TNIK: variants seen among roughly 807,000 people sequenced by gnomAD.
TNIK encodes the protein TRAF2 and NCK interacting kinase.
A neutral mutation model predicts 191.3 loss-of-function variants in TNIK; 49 were observed. The observed-to-expected ratio is 0.26, with a 90% CI of 0.20 to 0.32. The LOEUF is 0.32. TNIK is among the 10% of genes least tolerant of loss of function. The pLI is 1.00. For synonymous variants in TNIK, 594 were observed against 600.9 expected, an observed-to-expected ratio of 0.99 and a Z score of 0.17; for missense variants, 1,155 against 1,702.3, an observed-to-expected ratio of 0.68 and a Z score of 5.66.
intron 2 of TNIK, among the ~76,000 whole-genome samples, chr3:171,338,856 G>A (rs1206136174): frequency 1.4e-4 from 22 of 151,994 alleles, no homozygotes; most frequent in South Asian, 2.1e-4. Context: ...CAGTGCAGAA[G>A]GTACTATTAT....
At chr3:171,167,691 C>T (rs1251791821) in intron 9 of TNIK, among the ~76,000 whole-genome samples, 4 of 152,094 alleles carry the variant, frequency 2.6e-5, no homozygotes, top group African/African-American at 4.8e-5. Flanking sequence ...CAGTGAAAAA[C>T]TCAGGCTAGG....
At chr3:171,258,182 G>C (rs1049206223) in intron 2 of TNIK, among the ~76,000 whole-genome samples, 10 of 152,126 alleles carry the variant, frequency 6.6e-5, no homozygotes, top group African/African-American at 2.4e-4. Context: ...AGGCTTTGTG[G>C]CCATAACTCC....
At chr3:171,439,149 C>G (rs1038344904) in intron 1 of TNIK, among the ~76,000 whole-genome samples, 1 of 152,044 alleles carries the variant, frequency 6.6e-6, no homozygotes, top group Non-Finnish European at 1.5e-5. Context: ...TCGAAACCAT[C>G]CTGGCTAACA....
intron 3 of TNIK, among the ~76,000 whole-genome samples, chr3:171,218,592 G>A (rs974236940): frequency 1.1e-4 from 17 of 149,742 alleles, no homozygotes; most frequent in African/African-American, 4.2e-4. Flanking sequence ...TTTGGCTTTG[G>A]TTATTGGGAA....
At chr3:171,406,229 C>T (rs1387163079) in intron 1 of TNIK, among the ~76,000 whole-genome samples, 2 of 152,046 alleles carry the variant, frequency 1.3e-5, no homozygotes, top group East Asian at 1.9e-4. Context: ...GCACACATTC[C>T]GTAATCTCGG....
At chr3:171,445,041 G>T (rs66812172) in intron 1 of TNIK, among the ~76,000 whole-genome samples, 9,194 of 151,930 alleles carry the variant, frequency 0.061, 533 homozygotes, top group African/African-American at 0.15. Context: ...AAACATTTAG[G>T]CCAGTGGTTC....
intron 1 of TNIK, among the ~76,000 whole-genome samples, chr3:171,408,098 C>A (rs1243419866): frequency 1.3e-5 from 2 of 152,066 alleles, no homozygotes; most frequent in Non-Finnish European, 2.9e-5. Context: ...CCATAAAAAA[C>A]CATTTTGGTG....
intron 29 of TNIK, among the ~76,000 whole-genome samples, chr3:171,070,946 T>G (rs996738791): frequency 6.6e-6 from 1 of 152,242 alleles, no homozygotes; most frequent in Non-Finnish European, 1.5e-5. Flanking sequence ...AAGATCATAA[T>G]CAATGCTATG....
At chr3:171,432,866 A>G (rs986158407) in intron 1 of TNIK, among the ~76,000 whole-genome samples, 2 of 152,176 alleles carry the variant, frequency 1.3e-5, no homozygotes, top group African/African-American at 2.4e-5. Context: ...GTAATGACCA[A>G]TTTAATGCAA....
At chr3:171,107,635 A>G (rs1255551024) in intron 20 of TNIK, among the ~76,000 whole-genome samples, 1 of 152,224 alleles carries the variant, frequency 6.6e-6, no homozygotes, top group African/African-American at 2.4e-5. Flanking sequence ...TCCAGAAAAT[A>G]TAGTCCTGGA....
At chr3:171,273,356 G>A (rs961102231) in intron 2 of TNIK, among the ~76,000 whole-genome samples, 13 of 152,172 alleles carry the variant, frequency 8.5e-5, no homozygotes, top group African/African-American at 2.7e-4. Flanking sequence ...GTGTTGGGGT[G>A]CAAGGCAAAG....
At chr3:171,091,483 C>G (rs1722050322) in intron 23 of TNIK, among the ~76,000 whole-genome samples, 1 of 152,142 alleles carries the variant, frequency 6.6e-6, no homozygotes, top group African/African-American at 2.4e-5. Context: ...TAGCTCACGC[C>G]TGTAATCCTA....
At chr3:171,140,197 C>G (rs745396469) in intron 13 of TNIK, among the ~76,000 whole-genome samples, 28 of 152,186 alleles carry the variant, frequency 1.8e-4, no homozygotes, top group Non-Finnish European at 1.6e-4. Flanking sequence ...GGAACTCTGT[C>G]TGGGTAGAAA....
chr3:171,149,350 A>G (rs868755894), intron 12 of TNIK, among the ~76,000 whole-genome samples: 1 of 152,182 alleles, frequency 6.6e-6, no homozygotes. Flanking sequence ...TCAGTATGAA[A>G]TGCTGTTAAG....
At chr3:171,382,437 T>C (rs898453289) in intron 1 of TNIK, among the ~76,000 whole-genome samples, 5 of 152,144 alleles carry the variant, frequency 3.3e-5, no homozygotes, top group African/African-American at 1.2e-4. Flanking sequence ...GCCAGGCTGG[T>C]CTCAAACTCC....
chr3:171,189,748 T>C (rs1737806453), intron 6 of TNIK, among the ~76,000 whole-genome samples: 1 of 152,204 alleles, frequency 6.6e-6, no homozygotes, highest in South Asian at 2.1e-4. Context: ...TAATATATAC[T>C]CAACAAGTAA....
intron 3 of TNIK, among the ~76,000 whole-genome samples, chr3:171,212,576 T>C (rs1740968878): frequency 6.6e-6 from 1 of 152,204 alleles, no homozygotes; most frequent in Non-Finnish European, 1.5e-5. Flanking sequence ...TGAATCATCA[T>C]GTATCTTTTC....
intron 2 of TNIK, among the ~76,000 whole-genome samples, chr3:171,256,704 C>A (rs1746923257): frequency 1.3e-5 from 2 of 152,176 alleles, no homozygotes; most frequent in Non-Finnish European, 2.9e-5. Context: ...CCATTTATTA[C>A]CACTGGCAGG....
rs1444653459 is a variant in TNIK at position 171,159,306 on chromosome 3, G to A, written c.1017-1642C>T. Among the ~76,000 whole-genome samples the A allele has an allele frequency of 3.3e-5, 5 of 152,058 alleles. No individual in the cohort carries two copies. The highest frequency in any genetic ancestry group is 2.9e-5 in the Non-Finnish European group (2 of 68,012). On this transcript the variant is annotated intron_variant, in intron 11 of 32. Coordinates refer to ENST00000436636, the MANE Select transcript of TNIK (RefSeq NM_015028.4). This position sits in a 1 kb window ranked among gnomAD's most constrained non-coding sequence, Gnocchi z 4.1. ...CTTGCAGGTTCTGTCTTGGTGGCTG[G>A]GTGACGGTGGTAACGAGAACAGGAA...
Sources: allele counts gnomAD v4.1 joint callset (sites outside exome capture counted in the v4.1 genomes callset), GRCh38; gene constraint gnomAD v4.1.1; non-coding constraint Gnocchi (gnomAD v3.1); transcripts MANE v1.5; gene names NCBI Gene and HGNC (gene_info 2026-07-23, HGNC 2026-07-21).